The following ZZZ3 variants were observed in gnomAD, a reference collection of about 807,000 sequenced individuals.
ZZZ3 encodes ZZ-type zinc finger-containing protein 3.
Under a neutral mutation model 95.2 loss-of-function variants are expected in ZZZ3, and 22 were observed. That is an observed-to-expected ratio of 0.23 (90% CI 0.17 to 0.33). ZZZ3 has a LOEUF of 0.33. Ranked by LOEUF, ZZZ3 falls within the 10% of genes least tolerant of loss-of-function variation. The pLI is 1.00. For synonymous variants in ZZZ3, 335 were observed against 358.9 expected, an observed-to-expected ratio of 0.93 and a Z score of 0.75; for missense variants, 885 against 1,066.5, an observed-to-expected ratio of 0.83 and a Z score of 2.37.
intron 12 of ZZZ3, among the ~76,000 whole-genome samples, chr1:77,573,509 G>A (rs753652004): frequency 6.6e-6 from 1 of 152,158 alleles, no homozygotes; most frequent in Non-Finnish European, 1.5e-5. Context: ...ACAAAGATCA[G>A]ACATATTTTG....
rs1339814420 is a variant in ZZZ3, at chr1:77,582,004, T to A, written c.1767A>T (p.Arg589Ser). ...REFKNRKRHT[R>S]RVKLVFDKVG... ...CTTTATCAAAAACTAGCTTAACTCT[T>A]CTAGTATGTCTTTTACGATTTTTAA... The change falls in exon 7 of 15, where the codon AGA becomes AGT. Residue 589 changes from arginine (R) to serine (S), a missense_variant. This residue lies in a region of ZZZ3 where 99 missense variants were observed against 119.8 expected (regional missense o/e 0.83). Transcript: ENST00000370801. The A allele has an allele frequency of 2.5e-6, 4 of 1,606,380 alleles. No individual in the cohort carries two copies. The highest frequency in any genetic ancestry group is 3.4e-6 in the Non-Finnish European group (4 of 1,173,802).
intron 5 of ZZZ3, among the ~76,000 whole-genome samples, chr1:77,587,946 T>C (rs1329037732): frequency 1.3e-5 from 2 of 152,232 alleles, no homozygotes; most frequent in African/African-American, 4.8e-5. Flanking sequence ...ATTTTCTTAA[T>C]AACATCTTCT....
chr1:77,654,120 G>A (rs923236235), intron 1 of ZZZ3, among the ~76,000 whole-genome samples: 6 of 150,870 alleles, frequency 4.0e-5, no homozygotes, highest in Admixed American at 1.3e-4. Context: ...CCCAGGAGGC[G>A]GAGATTGCAG....
intron 5 of ZZZ3, among the ~76,000 whole-genome samples, chr1:77,595,627 T>A (rs1404465481): frequency 6.6e-6 from 1 of 152,050 alleles, no homozygotes; most frequent in Non-Finnish European, 1.5e-5. Flanking sequence ...CAAATTATTG[T>A]AAAGTGTACC....
At chr1:77,581,649 C>A (rs1374468339) in intron 8 of ZZZ3, 127 bp downstream of exon 8, 1 of 722,854 alleles carries the variant, frequency 1.4e-6, no homozygotes, top group African/African-American at 1.8e-5. Flanking sequence ...CTCTTAATTT[C>A]AAAGTTCTTA....
chr1:77,681,920 C>T (rs896724050), intron 1 of ZZZ3, among the ~76,000 whole-genome samples: 1 of 137,126 alleles, frequency 7.3e-6, no homozygotes, highest in Non-Finnish European at 1.6e-5. Context: ...AAAAAAAAAT[C>T]ACATGAAACA....
chr1:77,613,680 C>T (rs996670217), intron 5 of ZZZ3, among the ~76,000 whole-genome samples: 1 of 152,002 alleles, frequency 6.6e-6, no homozygotes, highest in East Asian at 1.9e-4. Context: ...AAAATAAAGA[C>T]ATCCAGCCAA....
At chr1:77,643,367 C>T (rs1668958411) in intron 1 of ZZZ3, among the ~76,000 whole-genome samples, 2 of 152,184 alleles carry the variant, frequency 1.3e-5, no homozygotes, top group Non-Finnish European at 2.9e-5. Context: ...GCAGCAGAAA[C>T]ACTGCTTTGA....
chr1:77,642,092 A>G (rs1238674868), intron 1 of ZZZ3, among the ~76,000 whole-genome samples: 1 of 152,206 alleles, frequency 6.6e-6, no homozygotes, highest in Admixed American at 6.5e-5. Flanking sequence ...TTTAAATGTC[A>G]CTTTAAACAT....
intron 5 of ZZZ3, chr1:77,615,023 G>A (rs552404242): frequency 9.8e-5 from 15 of 152,296 alleles, no homozygotes; most frequent in Non-Finnish European, 1.9e-4. Flanking sequence ...ACACAGTGGT[G>A]GCAGCAAGAG....
chr1:77,625,232 A>G (rs1254526610), intron 5 of ZZZ3, among the ~76,000 whole-genome samples: 2 of 152,208 alleles, frequency 1.3e-5, no homozygotes, highest in African/African-American at 4.8e-5. Flanking sequence ...TAAGGAAATA[A>G]TTATTGTTTC....
chr1:77,589,635 T>TG (rs935681415), intron 5 of ZZZ3, among the ~76,000 whole-genome samples: 1 of 151,854 alleles, frequency 6.6e-6, no homozygotes, highest in African/African-American at 2.4e-5. Context: ...TGGTTTGGTT[T>TG]TTTTTGTAGG....
intron 1 of ZZZ3, among the ~76,000 whole-genome samples, chr1:77,662,884 C>G (rs1670930375): frequency 6.6e-6 from 1 of 152,140 alleles, no homozygotes; most frequent in South Asian, 2.1e-4. Flanking sequence ...GCAGGAGGAT[C>G]CCTCGATCTC....
chr1:77,673,958 T>C (rs1171103581), intron 1 of ZZZ3, among the ~76,000 whole-genome samples: 1 of 151,238 alleles, frequency 6.6e-6, no homozygotes, highest in East Asian at 1.9e-4. Flanking sequence ...AAAAAGCCAT[T>C]AGCTGGCCAG....
In ZZZ3 at chr1:77,639,620, G is replaced by GA. The variant is rs1668589672; in HGVS notation, c.-205-19dup. The stretch of plus-strand genomic sequence containing the variant: ...AAATTTTTCTTTAAAATAAAATAAT[G>GA]AAAAAAAAGGATTAAAGAAGATGAT... On this transcript the variant is annotated intron_variant, in intron 3 of 14. Coordinates refer to ENST00000370801, the MANE Select transcript of ZZZ3 (RefSeq NM_015534.6). 19 of 447,110 alleles carry GA rather than the reference G, an allele frequency of 4.2e-5. No homozygotes were observed. Among genetic ancestry groups the GA allele is most frequent in the East Asian group, 7.1e-5 (2 of 28,364 alleles). The allele number at this position is 447,110 out of a possible 1,614,324, so 27.7% of individuals were successfully genotyped here.
At chr1:77,590,511 T>C (rs1570444289) in intron 5 of ZZZ3, among the ~76,000 whole-genome samples, 1 of 152,244 alleles carries the variant, frequency 6.6e-6, no homozygotes, top group South Asian at 2.1e-4. Flanking sequence ...GGAGCTGCAA[T>C]AGAACCACAT....
At chr1:77,628,307 C>T in intron 5 of ZZZ3, among the ~76,000 whole-genome samples, 1 of 152,200 alleles carries the variant, frequency 6.6e-6, no homozygotes, top group East Asian at 1.9e-4. Flanking sequence ...TGATCCTCCA[C>T]CCCTAATCTT....
Position 77,632,148 on chromosome 1 carries a change from C to T in ZZZ3, c.1207G>A (p.Gly403Arg). ...TKNSSPYREN[G>R]QFEENNLSPN... ...CTAAGATTATTCTCCTCAAATTGTC[C>T]ATTTTCTCTGTAAGGAGAACTGTTT... Residue 403 changes from glycine (G) to arginine (R), a missense_variant, in exon 5 of 15, where the codon GGA (glycine) becomes AGA (arginine). Physicochemically the swap from Gly to Arg is moderately radical, Grantham distance 125. Around this residue, in one of 5 missense-constraint regions of ZZZ3, gnomAD observed 556 missense variants for 652.9 expected, o/e 0.85. Coordinates refer to ENST00000370801, the MANE Select transcript of ZZZ3 (RefSeq NM_015534.6). The T allele has an allele frequency of 6.2e-7, 1 of 1,614,068 alleles. No homozygotes were observed. The highest frequency in any genetic ancestry group is 2.2e-5 in the East Asian group (1 of 44,874).
At chr1:77,566,036 CTT>C (rs1368108317) in intron 14 of ZZZ3, 43 bp downstream of exon 14, 45 of 1,468,346 alleles carry the variant, frequency 3.1e-5, no homozygotes, top group Non-Finnish European at 4.0e-5. Flanking sequence ...CTGAGAAGCT[CTT>C]TTCTTGTCTA....
Sources: allele counts gnomAD v4.1 joint callset (sites outside exome capture counted in the v4.1 genomes callset), GRCh38; gene constraint gnomAD v4.1.1; regional missense constraint gnomAD v4.1.1; transcripts MANE v1.5; gene names NCBI Gene and HGNC (gene_info 2026-07-23, HGNC 2026-07-21).